MYO3B: variants seen among roughly 807,000 people sequenced by gnomAD.
MYO3B encodes myosin-IIIb.
In MYO3B, 156 loss-of-function variants were observed where a neutral mutation model predicts 174.6. The observed-to-expected ratio is 0.89, with a 90% CI of 0.78 to 1.02. The LOEUF is 1.02. Among genes scored for constraint, MYO3B ranks in the 50% least tolerant of loss-of-function variants. The pLI, the probability that MYO3B is intolerant of heterozygous loss-of-function variation, is 0.00. For synonymous variants in MYO3B, 563 were observed against 569.1 expected (o/e 0.99, Z 0.15); for missense variants, 1,632 against 1,639.4 (o/e 1.00, Z 0.08).
chr2:170,285,129 G>T (rs2093545066), intron 7 of MYO3B, among the ~76,000 whole-genome samples: 1 of 152,122 alleles, frequency 6.6e-6, no homozygotes, highest in Non-Finnish European at 1.5e-5. Context: ...ACTGATGGGT[G>T]GGCATCTACA....
intron 1 of MYO3B, among the ~76,000 whole-genome samples, chr2:170,193,471 A>T (rs1381905413): frequency 6.6e-6 from 1 of 151,926 alleles, no homozygotes; most frequent in Non-Finnish European, 1.5e-5. Context: ...ATATCTATAG[A>T]TCTGTTTTTT....
intron 22 of MYO3B, among the ~76,000 whole-genome samples, chr2:170,434,230 C>T (rs1397736126): frequency 6.6e-6 from 1 of 152,064 alleles, no homozygotes; most frequent in Non-Finnish European, 1.5e-5. Flanking sequence ...TGCTCTGTTG[C>T]CCAGGCTAGA....
intron 7 of MYO3B, among the ~76,000 whole-genome samples, chr2:170,279,407 A>G (rs969302264): frequency 6.6e-6 from 1 of 151,696 alleles, no homozygotes; most frequent in Non-Finnish European, 1.5e-5. Context: ...ATTTTTTCAT[A>G]TTACCCCTTG....
intron 7 of MYO3B, among the ~76,000 whole-genome samples, chr2:170,316,950 C>T (rs2093780110): frequency 2.0e-5 from 3 of 152,192 alleles, no homozygotes; most frequent in Non-Finnish European, 4.4e-5. Context: ...TGCATTGACT[C>T]TCACTTTGTA....
intron 32 of MYO3B, among the ~76,000 whole-genome samples, chr2:170,572,004 A>C (rs962484717): frequency 6.6e-6 from 1 of 152,184 alleles, no homozygotes; most frequent in African/African-American, 2.4e-5. Flanking sequence ...AGAGAGGTGG[A>C]GGAAGCATTC....
At chr2:170,563,097 TTCTCTC>T (rs372040060) in intron 32 of MYO3B, among the ~76,000 whole-genome samples, 166 of 100,482 alleles carry the variant, frequency 1.7e-3, no homozygotes, top group Middle Eastern at 5.7e-3. Context: ...CATACACTCT[TTCTCTC>T]TCTCTCTCTC....
chr2:170,562,543 C>T (rs957890437), intron 32 of MYO3B, among the ~76,000 whole-genome samples: 1 of 152,090 alleles, frequency 6.6e-6, no homozygotes, highest in Admixed American at 6.6e-5. Flanking sequence ...TGTATTTATA[C>T]TTGGTTCCAG....
intron 23 of MYO3B, among the ~76,000 whole-genome samples, chr2:170,458,446 A>G (rs188987729): frequency 2.2e-4 from 34 of 152,228 alleles, no homozygotes; most frequent in Admixed American, 1.7e-3. Flanking sequence ...CTCTTTTTTT[A>G]TCCTAAGGTA....
chr2:170,638,869 G>T (rs976491022), intron 32 of MYO3B, among the ~76,000 whole-genome samples: 1 of 152,100 alleles, frequency 6.6e-6, no homozygotes, highest in African/African-American at 2.4e-5. Context: ...ATTCACTTAA[G>T]GTCACATACC....
chr2:170,193,146 C>T (rs1186072473), intron 1 of MYO3B, among the ~76,000 whole-genome samples: 2 of 151,678 alleles, frequency 1.3e-5, no homozygotes, highest in Non-Finnish European at 2.9e-5. Context: ...TAAGTTTATG[C>T]TTTTATGAAT....
At position 170,499,707 on chromosome 2, in the gene MYO3B, G is replaced by A. The variant is rs776619951; in HGVS notation, c.3188G>A (p.Arg1063Lys). The A allele has an allele frequency of 6.2e-7, 1 of 1,614,140 alleles. No individual in the cohort carries two copies. The highest frequency in any genetic ancestry group is 1.1e-5 in the South Asian group (1 of 91,084). The change falls in exon 27 of 35, where the codon AGA becomes AAA. Residue 1063 changes from arginine to lysine, a missense_variant. Coordinates refer to ENST00000408978, the MANE Select transcript of MYO3B (RefSeq NM_138995.5). Reference protein sequence around the residue: ...LNLLLREVIGRVVVLQAYTKG... With the variant: ...LNLLLREVIGKVVVLQAYTKG... ...TTGCTGCTTCGAGAAGTCATAGGCAGAGTGGTTGTGCTGCAGGCATATACC... is the reference window on the plus strand; with the variant it reads ...TTGCTGCTTCGAGAAGTCATAGGCAAAGTGGTTGTGCTGCAGGCATATACC...
chr2:170,451,165 A>T (rs897795755), intron 23 of MYO3B, among the ~76,000 whole-genome samples: 1 of 152,262 alleles, frequency 6.6e-6, no homozygotes, highest in Non-Finnish European at 1.5e-5. Context: ...GCAACCTTGC[A>T]TGTAAAACTC....
intron 23 of MYO3B, 115 bp downstream of exon 23, chr2:170,444,161 C>G (rs2094823434): frequency 1.3e-6 from 1 of 776,914 alleles, no homozygotes; most frequent in African/African-American, 1.7e-5. Context: ...CCTGGGCAGT[C>G]TAGTAGAGAG....
chr2:170,383,512 C>G (rs2094351065), intron 11 of MYO3B, among the ~76,000 whole-genome samples, 198 bp from the exon 12 acceptor site: 1 of 152,098 alleles, frequency 6.6e-6, no homozygotes, highest in Admixed American at 6.6e-5. Flanking sequence ...GAGTGAACTC[C>G]CTCTTACTAG....
chr2:170,498,347 A>C (rs550666200), intron 25 of MYO3B, among the ~76,000 whole-genome samples: 3 of 152,236 alleles, frequency 2.0e-5, no homozygotes, highest in East Asian at 1.9e-4. Flanking sequence ...CCAAGTATGC[A>C]CTGAATATGA....
intron 32 of MYO3B, among the ~76,000 whole-genome samples, chr2:170,576,486 G>A (rs1488147513): frequency 6.6e-6 from 1 of 152,186 alleles, no homozygotes; most frequent in Admixed American, 6.5e-5. Context: ...CTCGTGCCTT[G>A]TAGTTTTCCT....
intron 6 of MYO3B, among the ~76,000 whole-genome samples, chr2:170,230,335 A>ATTTTTT (rs1206021496): frequency 1.1e-4 from 2 of 17,738 alleles, no homozygotes; most frequent in Non-Finnish European, 3.1e-4. Flanking sequence ...ACGCCTGGCT[A>ATTTTTT]ATTTTTTTTT....
intron 16 of MYO3B, among the ~76,000 whole-genome samples, chr2:170,393,230 T>C (rs1312327149): frequency 1.3e-5 from 2 of 151,764 alleles, no homozygotes; most frequent in African/African-American, 2.4e-5. Flanking sequence ...GTTACAGGTG[T>C]GTGCCACCAC....
At chr2:170,308,843 G>C (rs1282644652) in intron 7 of MYO3B, among the ~76,000 whole-genome samples, 1 of 152,042 alleles carries the variant, frequency 6.6e-6, no homozygotes, top group Non-Finnish European at 1.5e-5. Flanking sequence ...CCTTTAGAAG[G>C]GGGGACACAA....
Sources: gnomAD v4.1 joint callset for allele counts (sites outside exome capture counted in the v4.1 genomes callset) on GRCh38, gnomAD v4.1.1 for gene constraint, MANE v1.5 for transcripts, NCBI Gene and HGNC (gene_info 2026-07-23, HGNC 2026-07-21) for gene names.